The following APTX variants were observed in gnomAD, a reference collection of about 807,000 sequenced individuals.
The protein encoded by APTX is forkhead-associated domain histidine triad-like protein.
Under a neutral mutation model 42.3 loss-of-function variants are expected in APTX, and 33 were observed. That is an observed-to-expected ratio of 0.78 (90% CI 0.59 to 1.04). The LOEUF (loss-of-function observed/expected upper bound fraction) is 1.04. Among genes scored for constraint, APTX ranks in the 50% least tolerant of loss-of-function variants. APTX has a pLI of 0.00. For synonymous variants in APTX, 130 were observed against 146.7 expected (o/e 0.89, Z 0.82); for missense variants, 421 against 415.1 (o/e 1.01, Z -0.12).
At chr9:33,003,021 A>G (rs77969975), upstream of APTX, among the ~76,000 whole-genome samples, 10,741 of 152,302 alleles carry the variant, frequency 0.071, 516 homozygotes, top group Non-Finnish European at 0.11. Flanking sequence ...CAGGCCTTAC[A>G]GCTGAGGAAT....
intron 1 of APTX, among the ~76,000 whole-genome samples, chr9:33,021,332 T>G (rs1347739955): frequency 6.6e-6 from 1 of 152,174 alleles, no homozygotes; most frequent in Non-Finnish European, 1.5e-5. Context: ...TTAAATGTGT[T>G]AATTCTCTCC....
intron 2 of APTX, chr9:32,989,520 G>T (rs1400686712): frequency 4.6e-6 from 3 of 646,380 alleles, no homozygotes; most frequent in Non-Finnish European, 8.5e-6. Context: ...ACCATCCCAT[G>T]GTAACAGTAT....
At chr9:33,018,131 T>G (rs1006770684) in intron 1 of APTX, among the ~76,000 whole-genome samples, 1 of 151,026 alleles carries the variant, frequency 6.6e-6, no homozygotes, top group Non-Finnish European at 1.5e-5. Flanking sequence ...TTTTTTTTTT[T>G]GAGACGACTC....
chr9:33,017,928 G>GCCCCC (rs59841021), intron 1 of APTX, among the ~76,000 whole-genome samples: 121 of 70,794 alleles, frequency 1.7e-3, no homozygotes, highest in African/African-American at 2.6e-3. Flanking sequence ...AGCAACCAGC[G>GCCCCC]CCCCCCCCCC....
chr9:32,985,053 T>C (rs973216548), intron 5 of APTX, among the ~76,000 whole-genome samples, 196 bp from the exon 6 acceptor site: 6 of 152,200 alleles, frequency 3.9e-5, no homozygotes, highest in African/African-American at 1.4e-4. Context: ...AAGAGGGAAA[T>C]CTAGGATTCC....
At chr9:32,988,016 G>A in intron 3 of APTX, 67 bp downstream of exon 3, 4 of 1,560,896 alleles carry the variant, frequency 2.6e-6, no homozygotes, top group Non-Finnish European at 2.7e-6. Context: ...GGCTGGCACA[G>A]ACACTCTAAA....
chr9:33,004,589 T>C (rs1587626368), upstream of APTX, among the ~76,000 whole-genome samples: 1 of 151,886 alleles, frequency 6.6e-6, no homozygotes, highest in African/African-American at 2.4e-5. Context: ...TTTCTACCAA[T>C]AGTGTACAAG....
intron 1 of APTX, among the ~76,000 whole-genome samples, chr9:32,995,669 C>T (rs1414616037): frequency 1.3e-5 from 2 of 152,044 alleles, no homozygotes; most frequent in South Asian, 2.1e-4. Context: ...GGGCGGATCA[C>T]GAGGTCAGGA....
At chr9:33,002,267 A>G (rs532911205), upstream of APTX, among the ~76,000 whole-genome samples, 16 of 152,226 alleles carry the variant, frequency 1.1e-4, no homozygotes, top group Admixed American at 1.0e-3. Flanking sequence ...GTAAAAGTAT[A>G]GTTTATAATT....
At chr9:33,002,775 A>G (rs1165790068), upstream of APTX, among the ~76,000 whole-genome samples, 2 of 152,206 alleles carry the variant, frequency 1.3e-5, no homozygotes, top group East Asian at 1.9e-4. Flanking sequence ...CTTTTCTTTA[A>G]CAAAATTGAG....
intron 1 of APTX, among the ~76,000 whole-genome samples, chr9:33,019,193 A>G (rs1402564291): frequency 6.6e-6 from 1 of 152,226 alleles, no homozygotes; most frequent in Admixed American, 6.5e-5. Flanking sequence ...TTTTCCGCAA[A>G]TCTAAAACTA....
chr9:32,975,002 C>T (rs1212044236), intron 6 of APTX, among the ~76,000 whole-genome samples: 1 of 152,158 alleles, frequency 6.6e-6, no homozygotes, highest in African/African-American at 2.4e-5. Flanking sequence ...TCAGGGAAAG[C>T]ATCTCCCGGG....
chr9:33,011,142 C>T (rs1474624999), intron 1 of APTX, among the ~76,000 whole-genome samples: 1 of 139,246 alleles, frequency 7.2e-6, no homozygotes, highest in Admixed American at 7.2e-5. Context: ...GACTCCGTCT[C>T]AAAAAAAAGA....
At chr9:33,007,569 T>C (rs1271325353) in intron 1 of APTX, among the ~76,000 whole-genome samples, 1 of 152,192 alleles carries the variant, frequency 6.6e-6, no homozygotes, top group Non-Finnish European at 1.5e-5. Context: ...CTCTTTTCTA[T>C]AGGCAGTCCT....
rs760012741 is a variant in APTX, at chr9:33,001,383, C to A, written c.-5+184G>T. 5.9e-6 allele frequency: 9 copies of A among 1,531,858 alleles called. No individual in the cohort carries two copies. The South Asian group carries it at 1.1e-4, about 18-fold the overall frequency. 94.9% of individuals were successfully genotyped at this position (1,531,858 alleles called of 1,614,324 possible). A position where few individuals can be genotyped will look rare whatever the true frequency, so the allele number is the denominator to read the frequency against. On this transcript the variant is annotated intron_variant, in intron 1 of 7. Transcript: ENST00000379817. ...ACGCAAAGTGGGTCGAAGACCAACG[C>A]GAGCGCCCGCTGAAACAGCCCAAGG...
chr9:33,007,618 T>C (rs373821518), intron 1 of APTX, among the ~76,000 whole-genome samples: 26 of 152,170 alleles, frequency 1.7e-4, no homozygotes, highest in African/African-American at 1.4e-4. Flanking sequence ...TTAGTGGTGA[T>C]AGAATGAAAA....
intron 1 of APTX, among the ~76,000 whole-genome samples, chr9:33,024,206 T>C (rs1838649043): frequency 6.6e-6 from 1 of 152,156 alleles, no homozygotes; most frequent in Admixed American, 6.5e-5. Context: ...CGAGACGGGG[T>C]TTCACCATGT....
At position 32,987,570 on chromosome 9, in the gene APTX, T is replaced by A; in HGVS notation, c.457A>T (p.Lys153Ter). ...TTTTTGATAGGTGCATCTTTTCCCT[T>A]CTTTAGGGGCACAGAGCATTGGCCA... ...NSGQCSVPLKKGKDAPIKKES... is the reference protein window; with the variant it reads ...NSGQCSVPLK Residue 153 changes from lysine to a stop codon, truncating the protein, a stop_gained, in exon 4 of 8, where the codon AAG (lysine) becomes TAG (stop). Transcript: ENST00000379817. LOFTEE classifies it high-confidence loss of function. The A allele has an allele frequency of 1.2e-6, 2 of 1,614,030 alleles. No individual in the cohort carries two copies. The highest frequency in any genetic ancestry group is 1.7e-6 in the Non-Finnish European group (2 of 1,180,034).
At chr9:32,986,174 A>T (rs767390087) in intron 4 of APTX, 144 bp from the exon 5 acceptor site, 2 of 831,206 alleles carry the variant, frequency 2.4e-6, no homozygotes, top group Non-Finnish European at 4.2e-6. Context: ...TGAGAATTAA[A>T]CAAGATTCAC....
Sources: allele counts gnomAD v4.1 joint callset (sites outside exome capture counted in the v4.1 genomes callset), GRCh38; gene constraint gnomAD v4.1.1; transcripts MANE v1.5; gene names NCBI Gene and HGNC (gene_info 2026-07-23, HGNC 2026-07-21).